The following KDM5A variants were observed in gnomAD, a reference collection of about 807,000 sequenced individuals.
The protein encoded by KDM5A is lysine-specific demethylase 5A.
In KDM5A, 42 loss-of-function variants were observed where a neutral mutation model predicts 193.5. That is an observed-to-expected ratio of 0.22 (90% CI 0.17 to 0.28). The LOEUF is 0.28. Ranked by LOEUF, KDM5A falls within the 10% of genes least tolerant of loss-of-function variation. KDM5A has a pLI of 1.00. For synonymous variants in KDM5A, 796 were observed against 718.1 expected, an observed-to-expected ratio of 1.11 and a Z score of -1.73; for missense variants, 1,692 against 2,055.1, an observed-to-expected ratio of 0.82 and a Z score of 3.42.
At position 354,251 on chromosome 12, in the gene KDM5A, AAATG is replaced by A; in HGVS notation, c.871-21_871-18del. The A allele has an allele frequency of 6.5e-7, 1 of 1,549,482 alleles. No individual in the cohort carries two copies. Among genetic ancestry groups the A allele is most frequent in the South Asian group, 1.1e-5 (1 of 87,014 alleles). ...GAGATCAACCTGTTAAAAAAAAAAT[AAATG>A]AAAGTCTATTTTCTATAATAAATAA... On this transcript the variant is annotated intron_variant, in intron 7 of 27. Coordinates refer to ENST00000399788, the MANE Select transcript of KDM5A (RefSeq NM_001042603.3).
At chr12:300,711 A>C (rs1257569210) in intron 24 of KDM5A, among the ~76,000 whole-genome samples, 2 of 152,238 alleles carry the variant, frequency 1.3e-5, no homozygotes, top group African/African-American at 4.8e-5. Context: ...AGAGACATGA[A>C]AAACCCTTCA....
Position 307,728 on chromosome 12 carries a change from C to T in KDM5A, c.3656G>A (p.Arg1219Gln), listed in dbSNP as rs909970288. ...KFLCPLCMRS[R>Q]RPRLETILSL... ...CAGAATAGTCTCTAGCCTGGGCCTT[C>T]GAGACCGCATACAAAGAGGGCAAAG... The change falls in exon 23 of 28, where the codon CGA becomes CAA. Residue 1219 changes from arginine (R) to glutamine (Q), a missense_variant. Arg to Gln is a conservative substitution (Grantham distance 43). Transcript: ENST00000399788. The surrounding 1 kb of genome is among the most constrained non-coding windows in gnomAD (Gnocchi z 4.3). 10 of 1,614,022 alleles carry T rather than the reference C, an allele frequency of 6.2e-6. No homozygotes were observed. The highest frequency in any genetic ancestry group is 7.6e-6 in the Non-Finnish European group (9 of 1,180,036).
chr12:332,301 G>C (rs1426853947), intron 12 of KDM5A, among the ~76,000 whole-genome samples: 2 of 152,062 alleles, frequency 1.3e-5, no homozygotes, highest in African/African-American at 4.8e-5. Flanking sequence ...ACTACTTTTG[G>C]ATAATTTTTT....
rs917354897 is a variant in KDM5A at position 344,036 on chromosome 12, G to A, written c.1308+6585C>T. On this transcript the variant is annotated intron_variant, in intron 10 of 27. Coordinates refer to ENST00000399788, the MANE Select transcript of KDM5A (RefSeq NM_001042603.3). ...ACCTTGAAAAAAGATTAGACAAATC[G>A]CTAACTAGAATAAACAGTGTAGAGA... Among the ~76,000 whole-genome samples the A allele has an allele frequency of 1.1e-4, 16 of 152,172 alleles. 1 individual carries two copies. The highest frequency in any genetic ancestry group is 2.4e-4 in the Non-Finnish European group (16 of 68,030).
intron 24 of KDM5A, among the ~76,000 whole-genome samples, chr12:303,699 C>T (rs1591902882): frequency 6.6e-6 from 1 of 152,238 alleles, no homozygotes; most frequent in Non-Finnish European, 1.5e-5. Flanking sequence ...TAGTCTACAA[C>T]CTATAATAAC....
chr12:387,017 G>C (rs981635443), intron 1 of KDM5A, among the ~76,000 whole-genome samples: 10 of 152,032 alleles, frequency 6.6e-5, no homozygotes, highest in Non-Finnish European at 1.0e-4. Flanking sequence ...TGTGTAATGT[G>C]ACAGAGCACT....
chr12:379,379 A>T (rs144708275), intron 3 of KDM5A, among the ~76,000 whole-genome samples: 8 of 152,354 alleles, frequency 5.3e-5, no homozygotes, highest in African/African-American at 1.7e-4. Flanking sequence ...CTTTGTGAAG[A>T]AGTATTGACT....
At chr12:312,120 A>G (rs951851999) in intron 20 of KDM5A, among the ~76,000 whole-genome samples, 39 of 152,354 alleles carry the variant, frequency 2.6e-4, no homozygotes, top group Non-Finnish European at 7.3e-5. Flanking sequence ...GTACAGTTCT[A>G]TAATTAAGAG....
chr12:357,813 G>A (rs1289899002), intron 5 of KDM5A, among the ~76,000 whole-genome samples: 1 of 89,230 alleles, frequency 1.1e-5, no homozygotes, highest in Non-Finnish European at 1.9e-5. Context: ...GGGCGACAGA[G>A]CAAGACTCAG....
chr12:303,587 G>A (rs1016889576), intron 24 of KDM5A, among the ~76,000 whole-genome samples: 1 of 151,804 alleles, frequency 6.6e-6, no homozygotes, highest in African/African-American at 2.4e-5. Context: ...AAACCACCAT[G>A]GCACGTGTAT....
At position 322,483 on chromosome 12, in the gene KDM5A, G is replaced by A. The variant is rs1441609553; in HGVS notation, c.2360C>T (p.Ala787Val). 1.2e-6 allele frequency: 2 copies of A among 1,613,616 alleles called. No individual in the cohort carries two copies. Among genetic ancestry groups the A allele is most frequent in the Non-Finnish European group, 1.7e-6 (2 of 1,179,868 alleles). Residue 787 changes from alanine to valine, a missense_variant, in exon 17 of 28, where the codon GCT (alanine) becomes GTT (valine). Around this residue, in one of 11 missense-constraint regions of KDM5A, gnomAD observed 965 missense variants for 1,061.0 expected, o/e 0.91. Transcript: ENST00000399788. ...ENDLFRKLRDAVKEAETCASV... is the reference protein window; with the variant it reads ...ENDLFRKLRDVVKEAETCASV... ...AGCACAGGTCTCAGCTTCTTTTACAGCATCCCTGAGTTTTCGAAAGAGATC... is the reference window on the plus strand; with the variant it reads ...AGCACAGGTCTCAGCTTCTTTTACAACATCCCTGAGTTTTCGAAAGAGATC...
intron 19 of KDM5A, among the ~76,000 whole-genome samples, chr12:315,621 T>A (rs571485906): frequency 6.7e-6 from 1 of 148,272 alleles, no homozygotes; most frequent in Non-Finnish European, 1.5e-5. Context: ...ATAACATAAA[T>A]CCACATGCAG....
At chr12:353,900 G>A (rs1033550462) in intron 8 of KDM5A, among the ~76,000 whole-genome samples, 176 bp downstream of exon 8, 25 of 130,020 alleles carry the variant, frequency 1.9e-4, no homozygotes, top group South Asian at 4.9e-4. Flanking sequence ...CCAGCCTGGC[G>A]ACAGAGTGAG....
At chr12:338,270 G>A (rs1357750281) in intron 10 of KDM5A, among the ~76,000 whole-genome samples, 4 of 152,180 alleles carry the variant, frequency 2.6e-5, no homozygotes, top group South Asian at 2.1e-4. Context: ...GGTTTATGCC[G>A]AACTCCTGCT....
intron 11 of KDM5A, 37 bp downstream of exon 11, chr12:334,204 T>G (rs772351383): frequency 1.3e-6 from 2 of 1,564,654 alleles, no homozygotes; most frequent in East Asian, 2.2e-5. Context: ...TAGACTTTAG[T>G]AGAGTTCATG....
intron 24 of KDM5A, among the ~76,000 whole-genome samples, chr12:299,806 C>G (rs1436607007): frequency 6.6e-6 from 1 of 151,930 alleles, no homozygotes; most frequent in African/African-American, 2.4e-5. Flanking sequence ...CCATCTTACT[C>G]ACAAAGACGC....
chr12:342,054 AG>A (rs1944012822), intron 10 of KDM5A, among the ~76,000 whole-genome samples: 1 of 152,220 alleles, frequency 6.6e-6, no homozygotes, highest in Non-Finnish European at 1.5e-5. Context: ...TAGGAAAAAA[AG>A]CAAGATCCAA....
At chr12:312,936 G>C in intron 20 of KDM5A, 120 bp downstream of exon 20, 2 of 1,141,206 alleles carry the variant, frequency 1.8e-6, no homozygotes, top group Admixed American at 1.8e-5. Flanking sequence ...ATCACAAATC[G>C]ATCTAAGTTA....
chr12:350,406 T>TG (rs1265553265), intron 10 of KDM5A, among the ~76,000 whole-genome samples: 1 of 139,676 alleles, frequency 7.2e-6, no homozygotes, highest in African/African-American at 2.8e-5. Flanking sequence ...CCAGCCTAGG[T>TG]GACAGAGTGA....
Sources: gnomAD v4.1 joint callset for allele counts (sites outside exome capture counted in the v4.1 genomes callset) on GRCh38, gnomAD v4.1.1 for gene constraint, gnomAD v4.1.1 regional missense constraint, Gnocchi (gnomAD v3.1) non-coding constraint, MANE v1.5 for transcripts, NCBI Gene and HGNC (gene_info 2026-07-23, HGNC 2026-07-21) for gene names.